Variants in GOLGB1 observed in about 807,000 individuals in gnomAD.
The protein encoded by GOLGB1 is golgin subfamily B member 1.
Under a neutral mutation model 336.9 loss-of-function variants are expected in GOLGB1, and 174 were observed. That is an observed-to-expected ratio of 0.52 (90% CI 0.46 to 0.59). GOLGB1 has a LOEUF of 0.59. GOLGB1 is among the 20% of genes least tolerant of loss of function. The probability of loss-of-function intolerance (pLI) is 0.00; values close to 1 mark genes in which losing one functional copy is unlikely to be tolerated. For missense variants in GOLGB1, 3,331 were observed against 3,645.3 expected, an observed-to-expected ratio of 0.91 and a Z score of 2.22; for synonymous variants, 1,208 against 1,289.2, an observed-to-expected ratio of 0.94 and a Z score of 1.35.
intron 10 of GOLGB1, among the ~76,000 whole-genome samples, chr3:121,708,888 T>C (rs918176314): frequency 6.6e-6 from 1 of 151,822 alleles, no homozygotes; most frequent in Non-Finnish European, 1.5e-5. Flanking sequence ...AATAATTACA[T>C]TAAAAGGACT....
intron 10 of GOLGB1, among the ~76,000 whole-genome samples, chr3:121,704,993 G>T (rs925300263): frequency 1.3e-5 from 2 of 152,120 alleles, no homozygotes; most frequent in Non-Finnish European, 2.9e-5. Context: ...GATCATCAGA[G>T]AGGAAAGGGC....
chr3:121,707,975 T>A (rs1944031033), intron 10 of GOLGB1, among the ~76,000 whole-genome samples: 1 of 152,224 alleles, frequency 6.6e-6, no homozygotes, highest in African/African-American at 2.4e-5. Flanking sequence ...TTAATCTCCT[T>A]AAAACATAAA....
chr3:121,664,620 A>G lies in GOLGB1; in HGVS notation c.9661-6T>C. The G allele has an allele frequency of 1.2e-6, 2 of 1,613,786 alleles. No individual in the cohort carries two copies. Among genetic ancestry groups the G allele is most frequent in the Non-Finnish European group, 1.7e-6 (2 of 1,179,638 alleles). ...CATCCAACGCCACTCCGGGTCTGAA[A>G]GAAAAATGTGAAAGTCAGAGAGTTT... On this transcript the variant is annotated splice_region_variant and splice_polypyrimidine_tract_variant and intron_variant, in intron 21 of 21. Coordinates refer to ENST00000614479, the MANE Select transcript of GOLGB1 (RefSeq NM_001366282.2).
chr3:121,668,312 AC>A (rs748156123), intron 18 of GOLGB1, 154 bp from the exon 19 acceptor site: 2 of 504,104 alleles, frequency 4.0e-6, no homozygotes, highest in Non-Finnish European at 7.0e-6. Flanking sequence ...CAGATTACTC[AC>A]CTACATAAAA....
In GOLGB1 at chr3:121,696,302, G is replaced by C; in HGVS notation, c.4221C>G (p.Ser1407Arg). 1 of 1,613,650 alleles carries C rather than the reference G, an allele frequency of 6.2e-7. No individual in the cohort carries two copies. The highest frequency in any genetic ancestry group is 1.3e-5 in the African/African-American group (1 of 74,938). Residue 1407 changes from serine (S) to arginine (R), a missense_variant, in exon 13 of 22, where the codon AGC becomes AGG. Coordinates refer to ENST00000614479, the MANE Select transcript of GOLGB1 (RefSeq NM_001366282.2). ...PKLDELQKLI[S>R]KKEEDVSYLS... Reference sequence around the variant, plus strand: ...GGTAGCTAACGTCTTCTTCCTTTTTGCTTATGAGTTTTTGCAGTTCATCCA... The same window carrying C: ...GGTAGCTAACGTCTTCTTCCTTTTTCCTTATGAGTTTTTGCAGTTCATCCA...
At chr3:121,705,019 T>C (rs1011583030) in intron 10 of GOLGB1, among the ~76,000 whole-genome samples, 6 of 152,122 alleles carry the variant, frequency 3.9e-5, no homozygotes, top group Non-Finnish European at 7.4e-5. Context: ...AAATGGTAAA[T>C]ATGTGGATAA....
intron 10 of GOLGB1, among the ~76,000 whole-genome samples, chr3:121,707,076 A>C (rs2107988968): frequency 6.6e-6 from 1 of 151,444 alleles, no homozygotes; most frequent in South Asian, 2.1e-4. Context: ...ACAAACAAAA[A>C]AATAGCCAGG....
Position 121,710,922 on chromosome 3 carries a change from G to A in GOLGB1, c.1404+3939C>T, listed in dbSNP as rs547459992. On this transcript the variant is annotated intron_variant, in intron 10 of 21. Coordinates refer to ENST00000614479, the MANE Select transcript of GOLGB1 (RefSeq NM_001366282.2). ...AGGCCAGGCGCAGTGGCTCACGCCTGTAATGTCAGCACTTTGGGAGGCCAA... is the reference window on the plus strand; with the variant it reads ...AGGCCAGGCGCAGTGGCTCACGCCTATAATGTCAGCACTTTGGGAGGCCAA... 1.6e-4 allele frequency among the ~76,000 whole-genome samples: 24 copies of A among 152,024 alleles called. No homozygotes were observed. The South Asian group carries it at 5.0e-3, about 32-fold the overall frequency.
Position 121,697,269 on chromosome 3 carries a change from A to G in GOLGB1, c.3254T>C (p.Leu1085Ser). 1 of 1,614,086 alleles carries G rather than the reference A, an allele frequency of 6.2e-7. No homozygotes were observed. The highest frequency in any genetic ancestry group is 8.5e-7 in the Non-Finnish European group (1 of 1,179,986). The change falls in exon 13 of 22, where the codon TTG (leucine) becomes TCG (serine). Residue 1085 changes from leucine to serine, a missense_variant. Coordinates refer to ENST00000614479, the MANE Select transcript of GOLGB1 (RefSeq NM_001366282.2). ...EVELQHIRKD[L>S]EEKLAAEEQF... Reference sequence around the variant, plus strand: ...CTCTTCAGCTGCCAGCTTTTCTTCCAAATCCTTCCTTATATGCTGTAGTTC... The same window carrying G: ...CTCTTCAGCTGCCAGCTTTTCTTCCGAATCCTTCCTTATATGCTGTAGTTC...
intron 13 of GOLGB1, among the ~76,000 whole-genome samples, chr3:121,692,872 C>A (rs1942580143): frequency 6.6e-6 from 1 of 152,122 alleles, no homozygotes. Context: ...GTAACATTTT[C>A]TCCTATTTTA....
intron 1 of GOLGB1, among the ~76,000 whole-genome samples, chr3:121,747,138 T>A (rs116719485): frequency 1.6e-5 from 2 of 127,004 alleles, no homozygotes; most frequent in Admixed American, 8.4e-5. Flanking sequence ...CTAAGATATA[T>A]ATACATGGAT....
chr3:121,748,398 A>G (rs1947516517), intron 1 of GOLGB1, among the ~76,000 whole-genome samples: 1 of 152,226 alleles, frequency 6.6e-6, no homozygotes, highest in African/African-American at 2.4e-5. Context: ...AGGGAGTGCA[A>G]TTAAAAGGTT....
chr3:121,690,108 AATAAAACTT>A (rs1212338741), intron 14 of GOLGB1, among the ~76,000 whole-genome samples: 1 of 152,236 alleles, frequency 6.6e-6, no homozygotes, highest in Admixed American at 6.5e-5. Context: ...TCAGCCTGCA[AATAAAACTT>A]TACTAAAAAG....
At chr3:121,729,787 G>T in intron 3 of GOLGB1, 78 bp downstream of exon 3, 4 of 1,044,064 alleles carry the variant, frequency 3.8e-6, no homozygotes, top group Non-Finnish European at 4.3e-6. Flanking sequence ...AATCTAAGTG[G>T]AGACAAAAAT....
At chr3:121,746,879 C>T (rs1461171895) in intron 1 of GOLGB1, among the ~76,000 whole-genome samples, 1 of 151,310 alleles carries the variant, frequency 6.6e-6, no homozygotes, top group African/African-American at 2.4e-5. Context: ...AAGTAATTTC[C>T]CCAGTCACAT....
Position 121,692,299 on chromosome 3 carries a change from T to C in GOLGB1, c.7065A>G (p.Gln2355=). 1.9e-6 allele frequency: 3 copies of C among 1,611,742 alleles called. No homozygotes were observed. The highest frequency in any genetic ancestry group is 2.2e-5 in the East Asian group (1 of 44,876). Residue 2355 remains glutamine, a synonymous_variant, in exon 14 of 22, where the codon CAA becomes CAG. Transcript: ENST00000614479. ...GTTGTTCATAACTGAACTTAGAATTTTGAATATCAGCCTCTTGCTGCCTTA... is the reference window on the plus strand; with the variant it reads ...GTTGTTCATAACTGAACTTAGAATTCTGAATATCAGCCTCTTGCTGCCTTA... ...GIIRQQEADI[Q]NSKFSYEQLE...
chr3:121,722,639 G>C (rs984856036), intron 5 of GOLGB1, among the ~76,000 whole-genome samples: 1 of 152,038 alleles, frequency 6.6e-6, no homozygotes, highest in East Asian at 1.9e-4. Context: ...AAAAACCACA[G>C]ATAACATTTA....
rs555290218 is a variant in GOLGB1, at chr3:121,749,017, T to G, written c.-3+615A>C. ...CTCTAACAGCCTGCCCACCTCTGATTCCTGGGATTTTCGTGTTGACGGGAT... is the reference window on the plus strand; with the variant it reads ...CTCTAACAGCCTGCCCACCTCTGATGCCTGGGATTTTCGTGTTGACGGGAT... On this transcript the variant is annotated intron_variant, in intron 1 of 21. Coordinates refer to ENST00000614479, the MANE Select transcript of GOLGB1 (RefSeq NM_001366282.2). The G allele has an allele frequency of 5.2e-6, 3 of 579,966 alleles. No homozygotes were observed. The African/African-American group carries it at 6.1e-5, about 12-fold the overall frequency. The allele number at this position is 579,966 out of a possible 1,614,324, so 35.9% of individuals were successfully genotyped here.
chr3:121,667,308 C>T (rs950862155), intron 20 of GOLGB1, among the ~76,000 whole-genome samples, 168 bp downstream of exon 20: 2 of 152,158 alleles, frequency 1.3e-5, no homozygotes, highest in African/African-American at 4.8e-5. Context: ...TCTTATACTC[C>T]AAAAGTACAG....
Sources: allele counts gnomAD v4.1 joint callset (sites outside exome capture counted in the v4.1 genomes callset), GRCh38; gene constraint gnomAD v4.1.1; transcripts MANE v1.5; gene names NCBI Gene and HGNC (gene_info 2026-07-23, HGNC 2026-07-21).